CSRNP3: variants seen among roughly 807,000 people sequenced by gnomAD.
The protein encoded by CSRNP3 is cysteine/serine-rich nuclear protein 3.
CSRNP3 carries 12 observed loss-of-function variants against 48.0 expected under a neutral mutation model. That is an observed-to-expected ratio of 0.25 (90% CI 0.16 to 0.41). The LOEUF (loss-of-function observed/expected upper bound fraction) is 0.41. CSRNP3 is among the 10% of genes least tolerant of loss of function. CSRNP3 has a pLI of 1.00. For synonymous variants in CSRNP3, 263 were observed against 269.7 expected (o/e 0.98, Z 0.24); for missense variants, 580 against 724.4 (o/e 0.80, Z 2.29).
intron 1 of CSRNP3, among the ~76,000 whole-genome samples, chr2:165,480,583 G>A (rs1363350093): frequency 6.6e-6 from 1 of 151,690 alleles, no homozygotes; most frequent in Non-Finnish European, 1.5e-5. Context: ...AATATTTTTT[G>A]CCACAGCATT....
intron 3 of CSRNP3, among the ~76,000 whole-genome samples, chr2:165,558,633 T>A (rs1356202402): frequency 6.6e-6 from 1 of 152,190 alleles, no homozygotes; most frequent in African/African-American, 2.4e-5. Context: ...AATATACACA[T>A]ATTTACTCTG....
intron 4 of CSRNP3, among the ~76,000 whole-genome samples, chr2:165,642,814 A>G (rs916187896): frequency 1.3e-5 from 2 of 152,126 alleles, no homozygotes; most frequent in African/African-American, 4.8e-5. Flanking sequence ...TGTCCATCTC[A>G]GCCTCCCAAA....
Position 165,683,702 on chromosome 2 carries a change from AAG to A in CSRNP3, c.*3952_*3953del. ...TAGAACAACTGTCTTGGGTAGTAAA[AAG>A]AGGGGAACACTACAAATTATAATGG... On this transcript the variant is annotated 3_prime_UTR_variant, in exon 7 of 7. Coordinates refer to ENST00000651982, the MANE Select transcript of CSRNP3 (RefSeq NM_001172173.2). 1.3e-5 allele frequency: 2 copies of A among 152,210 alleles called. No individual in the cohort carries two copies. The highest frequency in any genetic ancestry group is 4.1e-4 in the South Asian group (2 of 4,826). 9.4% of individuals were successfully genotyped at this position (152,210 alleles called of 1,614,324 possible).
intron 1 of CSRNP3, among the ~76,000 whole-genome samples, chr2:165,484,387 A>T (rs1558913074): frequency 6.6e-6 from 1 of 152,052 alleles, no homozygotes; most frequent in Non-Finnish European, 1.5e-5. Context: ...TATTTTAAAA[A>T]CCTAATAAGG....
At chr2:165,630,967 A>G (rs914389376) in intron 4 of CSRNP3, among the ~76,000 whole-genome samples, 1 of 152,216 alleles carries the variant, frequency 6.6e-6, no homozygotes, top group Non-Finnish European at 1.5e-5. Flanking sequence ...TATTAGGGCC[A>G]AGGTTTCTAA....
intron 3 of CSRNP3, among the ~76,000 whole-genome samples, chr2:165,523,290 T>C (rs1031019344): frequency 6.6e-6 from 1 of 152,178 alleles, no homozygotes; most frequent in African/African-American, 2.4e-5. Context: ...CAACTTTTTC[T>C]TCCTTGCTAG....
At chr2:165,660,805 T>C (rs1269916281) in intron 5 of CSRNP3, among the ~76,000 whole-genome samples, 1 of 152,228 alleles carries the variant, frequency 6.6e-6, no homozygotes, top group Non-Finnish European at 1.5e-5. Context: ...TTGTTATTGG[T>C]AATTGAAAAC....
At chr2:165,594,520 G>A (rs1685777254) in intron 3 of CSRNP3, among the ~76,000 whole-genome samples, 1 of 152,172 alleles carries the variant, frequency 6.6e-6, no homozygotes. Flanking sequence ...TAAGCAGGTA[G>A]CATGGGGATG....
At chr2:165,639,939 C>T (rs1686696932) in intron 4 of CSRNP3, among the ~76,000 whole-genome samples, 1 of 152,142 alleles carries the variant, frequency 6.6e-6, no homozygotes, top group Admixed American at 6.6e-5. Flanking sequence ...GTGTCCATTA[C>T]CTTTATGTGC....
chr2:165,525,658 G>C (rs982724267), intron 3 of CSRNP3, among the ~76,000 whole-genome samples: 3 of 151,500 alleles, frequency 2.0e-5, no homozygotes, highest in Admixed American at 1.3e-4. Flanking sequence ...GCTAATTTTT[G>C]TATTTTTAGT....
At chr2:165,509,035 T>A (rs16850814) in intron 2 of CSRNP3, among the ~76,000 whole-genome samples, 38 of 151,996 alleles carry the variant, frequency 2.5e-4, no homozygotes, top group Non-Finnish European at 4.3e-4. Context: ...GTAAAATACA[T>A]ACTCCTATCA....
rs1687633717 is a variant in CSRNP3 at position 165,686,508 on chromosome 2, G to A, written c.*6755G>A. The A allele has an allele frequency of 8.0e-6, 1 of 125,070 alleles. No individual in the cohort carries two copies. Among genetic ancestry groups the A allele is most frequent in the Non-Finnish European group, 2.0e-5 (1 of 50,956 alleles). 7.7% of individuals were successfully genotyped at this position (125,070 alleles called of 1,614,324 possible). On this transcript the variant is annotated 3_prime_UTR_variant, in exon 7 of 7. Transcript: ENST00000651982. ...TTTTGCAACTTTATTTAATAAAAAA[G>A]AGAAGAAAAAATAAAATCTAAATCT...
intron 4 of CSRNP3, among the ~76,000 whole-genome samples, chr2:165,601,777 T>A (rs556458467): frequency 1.5e-4 from 23 of 151,662 alleles, no homozygotes; most frequent in Middle Eastern, 3.4e-3. Flanking sequence ...GTGATTTCCC[T>A]ACTACTGGCT....
At chr2:165,554,865 T>C (rs1426440945) in intron 3 of CSRNP3, among the ~76,000 whole-genome samples, 1 of 152,206 alleles carries the variant, frequency 6.6e-6, no homozygotes, top group Admixed American at 6.5e-5. Context: ...TACAATTGCC[T>C]GCAAATTATA....
intron 2 of CSRNP3, among the ~76,000 whole-genome samples, chr2:165,505,775 C>G (rs1471314507): frequency 6.6e-6 from 1 of 152,094 alleles, no homozygotes; most frequent in Non-Finnish European, 1.5e-5. Context: ...AACATAACCA[C>G]ATTCATTTAA....
intron 4 of CSRNP3, among the ~76,000 whole-genome samples, chr2:165,649,565 G>T (rs1384767531): frequency 6.6e-6 from 1 of 152,154 alleles, no homozygotes; most frequent in Non-Finnish European, 1.5e-5. Context: ...TAGAAATAGA[G>T]AAGAGTGGTA....
chr2:165,633,343 A>G (rs780278199), intron 4 of CSRNP3, among the ~76,000 whole-genome samples: 1 of 152,236 alleles, frequency 6.6e-6, no homozygotes, highest in East Asian at 1.9e-4. Context: ...TCTTTAAGAA[A>G]GAAAGTAATG....
intron 3 of CSRNP3, among the ~76,000 whole-genome samples, chr2:165,522,743 G>T (rs1684680137): frequency 6.6e-6 from 1 of 151,900 alleles, no homozygotes; most frequent in African/African-American, 2.4e-5. Context: ...TCCATGTTCT[G>T]CTAGCTGTGC....
chr2:165,679,186 G>A lies in CSRNP3; in HGVS notation c.1191G>A (p.Leu397=), dbSNP rs1687483386. The A allele has an allele frequency of 6.2e-7, 1 of 1,613,812 alleles. No homozygotes were observed. The highest frequency in any genetic ancestry group is 8.5e-7 in the Non-Finnish European group (1 of 1,179,960). The change falls in exon 7 of 7, where the codon TTG becomes TTA. Residue 397 remains leucine, a synonymous_variant. Transcript: ENST00000651982. ...AAGGAGATGGCTTCGTGGAAGGTTTGGGCACCCATGCCGAAGTTGTCCCTC... is the reference window on the plus strand; with the variant it reads ...AAGGAGATGGCTTCGTGGAAGGTTTAGGCACCCATGCCGAAGTTGTCCCTC... ...DDKGDGFVEG[L]GTHAEVVPLP...
Sources: gnomAD v4.1 joint callset for allele counts (sites outside exome capture counted in the v4.1 genomes callset) on GRCh38, gnomAD v4.1.1 for gene constraint, MANE v1.5 for transcripts, NCBI Gene and HGNC (gene_info 2026-07-23, HGNC 2026-07-21) for gene names.